The following IFRD1 variants were observed in gnomAD, a reference collection of about 807,000 sequenced individuals.
IFRD1 encodes interferon related developmental regulator 1.
Under a neutral mutation model 52.9 loss-of-function variants are expected in IFRD1, and 35 were observed. The observed-to-expected ratio is 0.66, with a 90% CI of 0.51 to 0.88. The LOEUF is 0.88. Among genes scored for constraint, IFRD1 ranks in the 40% least tolerant of loss-of-function variants. The probability of loss-of-function intolerance (pLI) is 0.00; values close to 1 mark genes in which losing one functional copy is unlikely to be tolerated. For synonymous variants in IFRD1, 184 were observed against 188.4 expected, an observed-to-expected ratio of 0.98 and a Z score of 0.19; for missense variants, 517 against 550.8, an observed-to-expected ratio of 0.94 and a Z score of 0.61.
intron 1 of IFRD1, 51 bp downstream of exon 1, chr7:112,450,833 G>A: frequency 7.9e-7 from 1 of 1,272,876 alleles, no homozygotes; most frequent in Non-Finnish European, 1.1e-6. Flanking sequence ...AGGCTGGCGA[G>A]TCTTCCATGC....
chr7:112,465,475 C>T (rs578060608), intron 8 of IFRD1, among the ~76,000 whole-genome samples: 7 of 152,282 alleles, frequency 4.6e-5, no homozygotes, highest in Admixed American at 3.9e-4. Flanking sequence ...TAATTATCTT[C>T]AGCTGACCAG....
intron 9 of IFRD1, among the ~76,000 whole-genome samples, 183 bp downstream of exon 9, chr7:112,468,298 T>TA (rs1795667700): frequency 6.6e-6 from 1 of 151,730 alleles, no homozygotes; most frequent in African/African-American, 2.4e-5. Context: ...AAAAGAAAAT[T>TA]AATGCTGGTG....
At chr7:112,434,141 T>C (rs1385692239) in intron 1 of IFRD1, among the ~76,000 whole-genome samples, 2 of 152,216 alleles carry the variant, frequency 1.3e-5, no homozygotes, top group Non-Finnish European at 2.9e-5. Flanking sequence ...TTTTAATTGA[T>C]GAGCATGTCT....
chr7:112,452,355 C>A lies in IFRD1; in HGVS notation c.94+1573C>A, dbSNP rs1795187125. 4 of 464,762 alleles carry A rather than the reference C, an allele frequency of 8.6e-6. No homozygotes were observed. In the South Asian group the frequency reaches 3.7e-4, roughly 43 times the overall value. 28.8% of individuals were successfully genotyped at this position (464,762 alleles called of 1,614,324 possible). ...TTTACATTTTTTGTGGAGACAAGGT[C>A]TATGTTGGCCAGGCTGGTCACGAGT... On this transcript the variant is annotated intron_variant, in intron 1 of 11. Transcript: ENST00000403825.
At chr7:112,473,480 A>AG (rs1306492283) in intron 11 of IFRD1, among the ~76,000 whole-genome samples, 1 of 150,796 alleles carries the variant, frequency 6.6e-6, no homozygotes, top group South Asian at 2.1e-4. Context: ...ACTGGAGTGC[A>AG]GTGGTGCAAT....
intron 1 of IFRD1, among the ~76,000 whole-genome samples, chr7:112,428,082 T>C (rs764198274): frequency 2.0e-5 from 3 of 152,116 alleles, no homozygotes; most frequent in Non-Finnish European, 4.4e-5. Flanking sequence ...AAAAGGGAGA[T>C]AATTCTCAGC....
At position 112,461,916 on chromosome 7, in the gene IFRD1, T is replaced by G. The variant is rs1351635114; in HGVS notation, c.618T>G (p.Thr206=). The G allele has an allele frequency of 6.2e-7, 1 of 1,609,736 alleles. No individual in the cohort carries two copies. Among genetic ancestry groups the G allele is most frequent in the Non-Finnish European group, 8.5e-7 (1 of 1,176,566 alleles). Residue 206 remains threonine (T), a splice_region_variant and synonymous_variant, in exon 6 of 12, where the codon ACT becomes ACG. Transcript: ENST00000403825. ...GTTTTATTGCCACAGATGACATTAC[T>G]GTAAGTAAAAAACCTTTGATTCTAG... is the stretch of plus-strand genomic sequence containing the variant. ...VCCFIATDDI[T]ELYSTLECLE...
upstream of IFRD1, among the ~76,000 whole-genome samples, chr7:112,446,979 G>A (rs1795045483): frequency 6.6e-6 from 1 of 152,136 alleles, no homozygotes; most frequent in Non-Finnish European, 1.5e-5. Context: ...AACAGATTCC[G>A]ACAAGCCCTA....
intron 1 of IFRD1, among the ~76,000 whole-genome samples, chr7:112,433,482 GTGT>G (rs1271316994): frequency 1.3e-5 from 2 of 152,222 alleles, no homozygotes; most frequent in Non-Finnish European, 2.9e-5. Context: ...TTTTACAACA[GTGT>G]TGTTATCTCC....
intron 11 of IFRD1, 70 bp downstream of exon 11, chr7:112,472,931 T>C: frequency 9.7e-7 from 1 of 1,028,218 alleles, no homozygotes; most frequent in Non-Finnish European, 1.5e-6. Flanking sequence ...TGTCAGCAAC[T>C]TAGCTGTGTC....
chr7:112,450,949 G>T (rs1173928031), intron 1 of IFRD1, 167 bp downstream of exon 1: 1 of 658,850 alleles, frequency 1.5e-6, no homozygotes, highest in East Asian at 2.6e-5. Context: ...CCTGGGCGCT[G>T]CTCCTCGCGC....
rs560557260 is a variant in IFRD1, at chr7:112,430,284, C to T, written c.-182+6852C>T. ...CATAATTCCCTTCTGTTATCCCAAG[C>T]CTCCTGATTGTTGTGGTACTTCAGG... On this transcript the variant is annotated intron_variant, in intron 1 of 12. Transcript: ENST00000005558. 2.6e-5 allele frequency among the ~76,000 whole-genome samples: 4 copies of T among 152,316 alleles called. No homozygotes were observed. In the East Asian group the frequency reaches 7.7e-4, roughly 29 times the overall value.
chr7:112,455,155 C>T (rs191379894), intron 1 of IFRD1, among the ~76,000 whole-genome samples: 10 of 152,054 alleles, frequency 6.6e-5, no homozygotes, highest in East Asian at 5.8e-4. Context: ...GGAGCCACCG[C>T]GCCCACCTTT....
At chr7:112,445,499 A>C (rs1795007435), upstream of IFRD1, among the ~76,000 whole-genome samples, 1 of 152,240 alleles carries the variant, frequency 6.6e-6, no homozygotes, top group African/African-American at 2.4e-5. Flanking sequence ...GGTTGTTGTA[A>C]GAATTACATG....
Position 112,462,102 on chromosome 7 carries a change from T to C in IFRD1, c.720T>C (p.Leu240=). Reference sequence around the variant, plus strand: ...TTTGCAGCACTCCTAATACAGTGCTTCATATCAGCTCTCTTCTTGCATGGA... The same window carrying C: ...TTTGCAGCACTCCTAATACAGTGCTCCATATCAGCTCTCTTCTTGCATGGA... ...TVICSTPNTV[L]HISSLLAWTL... Residue 240 remains leucine (L), a synonymous_variant, in exon 7 of 12, where the codon CTT becomes CTC. Transcript: ENST00000403825. The C allele has an allele frequency of 6.2e-7, 1 of 1,613,270 alleles. No individual in the cohort carries two copies. Among genetic ancestry groups the C allele is most frequent in the Non-Finnish European group, 8.5e-7 (1 of 1,179,370 alleles).
intron 1 of IFRD1, chr7:112,452,126 C>G (rs1273773563): frequency 1.0e-6 from 1 of 981,498 alleles, no homozygotes; most frequent in Non-Finnish European, 1.2e-6. Flanking sequence ...TTATTGTGGC[C>G]TCTGGTTGCT....
At chr7:112,438,985 AC>A (rs1208305649) in intron 1 of IFRD1, among the ~76,000 whole-genome samples, 2 of 152,240 alleles carry the variant, frequency 1.3e-5, no homozygotes, top group African/African-American at 4.8e-5. Context: ...AATAACAACA[AC>A]AACAACAACA....
chr7:112,458,887 G>A lies in IFRD1; in HGVS notation c.436G>A (p.Ala146Thr). 1.9e-6 allele frequency: 3 copies of A among 1,614,084 alleles called. No individual in the cohort carries two copies. Among genetic ancestry groups the A allele is most frequent in the Non-Finnish European group, 2.5e-6 (3 of 1,179,948 alleles). ...TAAGAGTGATGAGCAACGTGCAGCT[G>A]CAGCGTTAGCATCTGTTCTTTGTAT... ...KGKSDEQRAAAALASVLCIQL... is the reference protein window; with the variant it reads ...KGKSDEQRAATALASVLCIQL... The change falls in exon 5 of 12, where the codon GCA (alanine) becomes ACA (threonine). Residue 146 changes from alanine (A) to threonine (T), a missense_variant. Coordinates refer to ENST00000403825, the MANE Select transcript of IFRD1 (RefSeq NM_001550.4).
chr7:112,462,509 A>G lies in IFRD1; in HGVS notation c.906+131A>G, dbSNP rs1232991484. On this transcript the variant is annotated intron_variant, in intron 8 of 11. Coordinates refer to ENST00000403825, the MANE Select transcript of IFRD1 (RefSeq NM_001550.4). The stretch of plus-strand genomic sequence containing the variant: ...TGAGAACCCAGTGATTTATTTCCCT[A>G]CTTCTTGGCAGTGGTGGTGTAATAC... The G allele has an allele frequency of 4.1e-6, 3 of 724,562 alleles. No individual in the cohort carries two copies. The East Asian group carries it at 8.0e-5, about 19-fold the overall frequency. 44.9% of individuals were successfully genotyped at this position (724,562 alleles called of 1,614,324 possible). A position where few individuals can be genotyped will look rare whatever the true frequency, so the allele number is the denominator to read the frequency against.
Sources: allele counts gnomAD v4.1 joint callset (sites outside exome capture counted in the v4.1 genomes callset), GRCh38; gene constraint gnomAD v4.1.1; transcripts MANE v1.5; gene names NCBI Gene and HGNC (gene_info 2026-07-23, HGNC 2026-07-21).